The following GTF2H4 variants were observed in gnomAD, a reference collection of about 807,000 sequenced individuals.
The protein encoded by GTF2H4 is general transcription factor IIH subunit 4, also known as BTF2 p52.
A neutral mutation model predicts 62.2 loss-of-function variants in GTF2H4; 49 were observed. The observed-to-expected ratio is 0.79, with a 90% CI of 0.63 to 1.00. The LOEUF (loss-of-function observed/expected upper bound fraction) is 1.00, where lower values mean the gene tolerates loss of function less well. Among genes scored for constraint, GTF2H4 ranks in the 50% least tolerant of loss-of-function variants. The pLI is 0.00. For synonymous variants in GTF2H4, 189 were observed against 233.8 expected, an observed-to-expected ratio of 0.81 and a Z score of 1.75; for missense variants, 479 against 587.8, an observed-to-expected ratio of 0.81 and a Z score of 1.91.
chr6:30,908,661 G>A (rs2074508), intron 1 of GTF2H4, among the ~76,000 whole-genome samples: 39,556 of 152,064 alleles, frequency 0.26, 6,052 homozygotes, highest in East Asian at 0.61. Context: ...TTTGGAGCTT[G>A]TAGACTGGTC....
Position 30,910,084 on chromosome 6 carries a change from C to G in GTF2H4, c.374+21C>G. ...GGTGGGTATGTCACTTCTCTCTCTT[C>G]CTAAGCTAGGGCAGGGGAACTGCTG... On this transcript the variant is annotated intron_variant, in intron 4 of 13. Transcript: ENST00000259895. The surrounding 1 kb of genome is among the most constrained non-coding windows in gnomAD (Gnocchi z 4.7). The G allele has an allele frequency of 1.9e-6, 3 of 1,610,170 alleles. No individual in the cohort carries two copies. Among genetic ancestry groups the G allele is most frequent in the Non-Finnish European group, 2.5e-6 (3 of 1,179,034 alleles).
At position 30,914,043 on chromosome 6, in the gene GTF2H4, A is replaced by G. The variant is rs1012285137; in HGVS notation, c.*60A>G. The G allele has an allele frequency of 2.1e-6, 3 of 1,437,546 alleles. No homozygotes were observed. Among genetic ancestry groups the G allele is most frequent in the African/African-American group, 2.9e-5 (2 of 68,746 alleles). The allele number at this position is 1,437,546 out of a possible 1,614,324, so 89.0% of individuals were successfully genotyped here. ...GGACTGGGCGGGGCGGGGCATCAGAACTCAGGTGTTTTTTATTTACGCGTC... is the reference window on the plus strand; with the variant it reads ...GGACTGGGCGGGGCGGGGCATCAGAGCTCAGGTGTTTTTTATTTACGCGTC... On this transcript the variant is annotated 3_prime_UTR_variant, in exon 14 of 14. Coordinates refer to ENST00000259895, the MANE Select transcript of GTF2H4 (RefSeq NM_001517.5).
In GTF2H4 at chr6:30,912,146, G is replaced by A. The variant is rs564548397; in HGVS notation, c.958G>A (p.Glu320Lys). 3 of 1,612,946 alleles carry A rather than the reference G, an allele frequency of 1.9e-6. No homozygotes were observed. The highest frequency in any genetic ancestry group is 2.5e-6 in the Non-Finnish European group (3 of 1,180,000). ...ETNYRLYAYT[E>K]SELQIALIAL... ...CAATTACCGACTGTATGCCTACACG[G>A]GTGAGGCGGGACAGAGGGCCCCTGG... is the stretch of plus-strand genomic sequence containing the variant. The change falls in exon 10 of 14, where the codon GAG (glutamate) becomes AAG (lysine). Residue 320 changes from glutamate to lysine, a missense_variant and splice_region_variant. Glu to Lys is a moderately conservative substitution (Grantham distance 56). Coordinates refer to ENST00000259895, the MANE Select transcript of GTF2H4 (RefSeq NM_001517.5). This position sits in a 1 kb window ranked among gnomAD's most constrained non-coding sequence, Gnocchi z 4.8.
In GTF2H4 at chr6:30,911,602, T is replaced by C; in HGVS notation, c.742-82T>C. On this transcript the variant is annotated intron_variant, in intron 8 of 13. Coordinates refer to ENST00000259895, the MANE Select transcript of GTF2H4 (RefSeq NM_001517.5). The surrounding 1 kb of genome is among the most constrained non-coding windows in gnomAD (Gnocchi z 4.3). ...AGAATGAAAACAGAACGAACAGAGATGGAGAAAGAAAGAATGAATGTATGG... is the reference window on the plus strand; with the variant it reads ...AGAATGAAAACAGAACGAACAGAGACGGAGAAAGAAAGAATGAATGTATGG... 8.2e-7 allele frequency: 1 copy of C among 1,217,770 alleles called. No homozygotes were observed. The highest frequency in any genetic ancestry group is 1.2e-6 in the Non-Finnish European group (1 of 844,886). The allele number at this position is 1,217,770 out of a possible 1,614,324, so 75.4% of individuals were successfully genotyped here. A position where few individuals can be genotyped will look rare whatever the true frequency, so the allele number is the denominator to read the frequency against.
Position 30,912,293 on chromosome 6 carries a change from G to A in GTF2H4, c.959-35G>A. ...GGCTTGAGGGAGTCTGGGTGTGGGG[G>A]TGGCCTCCTCATCCTCTTTCTATCC... is the stretch of plus-strand genomic sequence containing the variant. On this transcript the variant is annotated intron_variant, in intron 10 of 13. Coordinates refer to ENST00000259895, the MANE Select transcript of GTF2H4 (RefSeq NM_001517.5). The surrounding 1 kb of genome is among the most constrained non-coding windows in gnomAD (Gnocchi z 4.8). 2 of 1,611,308 alleles carry A rather than the reference G, an allele frequency of 1.2e-6. No homozygotes were observed. Among genetic ancestry groups the A allele is most frequent in the Non-Finnish European group, 1.7e-6 (2 of 1,178,996 alleles).
chr6:30,909,059 G>A lies in GTF2H4; in HGVS notation c.23G>A (p.Gly8Glu). ...GTGATGGAGAGCACCCCTTCAAGGG[G>A]ACTGAACCGAGTACACCTACAATGC... is the stretch of plus-strand genomic sequence containing the variant. MESTPSR[G>E]LNRVHLQCRN... Residue 8 changes from glycine to glutamate, a missense_variant, in exon 2 of 14, where the codon GGA (glycine) becomes GAA (glutamate). Transcript: ENST00000259895. The surrounding 1 kb of genome is among the most constrained non-coding windows in gnomAD (Gnocchi z 4.3). 1 of 1,614,180 alleles carries A rather than the reference G, an allele frequency of 6.2e-7. No individual in the cohort carries two copies. The highest frequency in any genetic ancestry group is 1.1e-5 in the South Asian group (1 of 91,086).
chr6:30,910,879 C>T lies in GTF2H4; in HGVS notation c.498C>T (p.Ser166=), dbSNP rs1793734417. Residue 166 remains serine, a synonymous_variant, in exon 6 of 14, where the codon TCC becomes TCT. Transcript: ENST00000259895. The surrounding 1 kb of genome is among the most constrained non-coding windows in gnomAD (Gnocchi z 4.7). Reference sequence around the variant, plus strand: ...TGGTCTTGCACTTCATGGTGGGCTCCCCCAGTGCAGCTGTCAGCCAGGACT... The same window carrying T: ...TGGTCTTGCACTTCATGGTGGGCTCTCCCAGTGCAGCTGTCAGCCAGGACT... ...WEVVLHFMVG[S]PSAAVSQDLA... The T allele has an allele frequency of 6.2e-7, 1 of 1,612,180 alleles. No individual in the cohort carries two copies. The highest frequency in any genetic ancestry group is 1.3e-5 in the African/African-American group (1 of 74,830).
chr6:30,910,677 G>C lies in GTF2H4; in HGVS notation c.387G>C (p.Trp129Cys). 1 of 1,612,910 alleles carries C rather than the reference G, an allele frequency of 6.2e-7. No homozygotes were observed. The highest frequency in any genetic ancestry group is 8.5e-7 in the Non-Finnish European group (1 of 1,179,922). Reference sequence around the variant, plus strand: ...ATCCTGGCCGTAGGGGGAAGGCCTGGTCTGATGACACAAGTCAGCTGGGAC... The same window carrying C: ...ATCCTGGCCGTAGGGGGAAGGCCTGCTCTGATGACACAAGTCAGCTGGGAC... ...RIALLGGGKAWSDDTSQLGPD... is the reference protein window; with the variant it reads ...RIALLGGGKACSDDTSQLGPD... The change falls in exon 5 of 14, where the codon TGG becomes TGC. Residue 129 changes from tryptophan (W) to cysteine (C), a missense_variant. By Grantham distance (215) the Trp-to-Cys change is radical. Coordinates refer to ENST00000259895, the MANE Select transcript of GTF2H4 (RefSeq NM_001517.5). The surrounding 1 kb of genome is among the most constrained non-coding windows in gnomAD (Gnocchi z 4.7).
rs572542283 is a variant in GTF2H4 at position 30,912,606 on chromosome 6, G to T, written c.1089+148G>T. 1 of 1,018,198 alleles carries T rather than the reference G, an allele frequency of 9.8e-7. No homozygotes were observed. Among genetic ancestry groups the T allele is most frequent in the Admixed American group, 2.4e-5 (1 of 41,804 alleles). 63.1% of individuals were successfully genotyped at this position (1,018,198 alleles called of 1,614,324 possible). ...GTTTGAAGAGAAATGAAGGCTTTGGGTGTGAGAATAGGTAGACCCTTGAGG... is the reference window on the plus strand; with the variant it reads ...GTTTGAAGAGAAATGAAGGCTTTGGTTGTGAGAATAGGTAGACCCTTGAGG... On this transcript the variant is annotated intron_variant, in intron 11 of 13. Coordinates refer to ENST00000259895, the MANE Select transcript of GTF2H4 (RefSeq NM_001517.5). The surrounding 1 kb of genome is among the most constrained non-coding windows in gnomAD (Gnocchi z 4.8).
rs1332168615 is a variant in GTF2H4, at chr6:30,912,165, C to T, written c.958+19C>T. The T allele has an allele frequency of 2.5e-6, 4 of 1,611,738 alleles. No homozygotes were observed. The highest frequency in any genetic ancestry group is 2.2e-5 in the South Asian group (2 of 91,024). ...TACACGGGTGAGGCGGGACAGAGGG[C>T]CCCTGGAAGAGGAGGTTGGGGGTGA... On this transcript the variant is annotated intron_variant, in intron 10 of 13. Transcript: ENST00000259895. The surrounding 1 kb of genome is among the most constrained non-coding windows in gnomAD (Gnocchi z 4.8).
chr6:30,909,075 C>A lies in GTF2H4; in HGVS notation c.39C>A (p.His13Gln). Reference protein sequence around the residue: ...STPSRGLNRVHLQCRNLQEFL... With the variant: ...STPSRGLNRVQLQCRNLQEFL... ...CTTCAAGGGGACTGAACCGAGTACA[C>A]CTACAATGCAGGAATCTGCAGGAAT... is the stretch of plus-strand genomic sequence containing the variant. Residue 13 changes from histidine (H) to glutamine (Q), a missense_variant, in exon 2 of 14, where the codon CAC becomes CAA. Coordinates refer to ENST00000259895, the MANE Select transcript of GTF2H4 (RefSeq NM_001517.5). The surrounding 1 kb of genome is among the most constrained non-coding windows in gnomAD (Gnocchi z 4.3). 2 of 1,614,180 alleles carry A rather than the reference C, an allele frequency of 1.2e-6. No individual in the cohort carries two copies. Among genetic ancestry groups the A allele is most frequent in the South Asian group, 1.1e-5 (1 of 91,090 alleles).
chr6:30,913,763 T>G lies in GTF2H4; in HGVS notation c.1217-48T>G, dbSNP rs1425565343. On this transcript the variant is annotated intron_variant, in intron 13 of 13. Coordinates refer to ENST00000259895, the MANE Select transcript of GTF2H4 (RefSeq NM_001517.5). This position sits in a 1 kb window ranked among gnomAD's most constrained non-coding sequence, Gnocchi z 4.2. Reference sequence around the variant, plus strand: ...GGATTCCCAATAGGAGCTCCGAGCTTCACTTTCTCGTCTTCTCCCCGCGCC... The same window carrying G: ...GGATTCCCAATAGGAGCTCCGAGCTGCACTTTCTCGTCTTCTCCCCGCGCC... 7.4e-6 allele frequency: 11 copies of G among 1,480,798 alleles called. No individual in the cohort carries two copies. Among genetic ancestry groups the G allele is most frequent in the Non-Finnish European group, 9.9e-6 (11 of 1,109,176 alleles). 91.7% of individuals were successfully genotyped at this position (1,480,798 alleles called of 1,614,324 possible). A position where few individuals can be genotyped will look rare whatever the true frequency, so the allele number is the denominator to read the frequency against.
Position 30,911,335 on chromosome 6 carries a change from C to T in GTF2H4, c.672+66C>T. ...CTCAGGTCTCACTGAGAGACTCCTG[C>T]CTACAGACTGTTCCCTGATTTTCTC... On this transcript the variant is annotated intron_variant, in intron 7 of 13. Transcript: ENST00000259895. This position sits in a 1 kb window ranked among gnomAD's most constrained non-coding sequence, Gnocchi z 4.3. 4 of 1,515,160 alleles carry T rather than the reference C, an allele frequency of 2.6e-6. No individual in the cohort carries two copies. Among genetic ancestry groups the T allele is most frequent in the Non-Finnish European group, 2.7e-6 (3 of 1,091,840 alleles). The allele number at this position is 1,515,160 out of a possible 1,614,324, so 93.9% of individuals were successfully genotyped here.
At chr6:30,908,572 G>C (rs1345660931) in intron 1 of GTF2H4, among the ~76,000 whole-genome samples, 169 bp downstream of exon 1, 2 of 152,080 alleles carry the variant, frequency 1.3e-5, no homozygotes, top group Non-Finnish European at 2.9e-5. Flanking sequence ...CTTTAGATTT[G>C]GGAAGCATGG....
chr6:30,911,080 G>GA lies in GTF2H4; in HGVS notation c.561-72dup. ...AGTAGAATATAGCCAGAGATACCAA[G>GA]AAAAAACGTGAGTGGACAAGTGGGG... is the stretch of plus-strand genomic sequence containing the variant. On this transcript the variant is annotated intron_variant, in intron 6 of 13. Coordinates refer to ENST00000259895, the MANE Select transcript of GTF2H4 (RefSeq NM_001517.5). This position sits in a 1 kb window ranked among gnomAD's most constrained non-coding sequence, Gnocchi z 4.3. 7.3e-7 allele frequency: 1 copy of GA among 1,378,378 alleles called. No individual in the cohort carries two copies. The highest frequency in any genetic ancestry group is 1.2e-5 in the South Asian group (1 of 85,458). 85.4% of individuals were successfully genotyped at this position (1,378,378 alleles called of 1,614,324 possible).
chr6:30,913,998 G>A lies in GTF2H4; in HGVS notation c.*15G>A, dbSNP rs766739174. ...ATAGCTCCTGAGAGCGCGGGACTTG[G>A]ACACGGACCTCGGCGGGCGGGACTG... On this transcript the variant is annotated 3_prime_UTR_variant, in exon 14 of 14. Transcript: ENST00000259895. The surrounding 1 kb of genome is among the most constrained non-coding windows in gnomAD (Gnocchi z 4.2). 2 of 1,388,866 alleles carry A rather than the reference G, an allele frequency of 1.4e-6. No individual in the cohort carries two copies. Among genetic ancestry groups the A allele is most frequent in the Admixed American group, 1.8e-5 (1 of 55,496 alleles). 86.0% of individuals were successfully genotyped at this position (1,388,866 alleles called of 1,614,324 possible).
In GTF2H4 at chr6:30,912,236, T is replaced by G. The variant is rs569981179; in HGVS notation, c.958+90T>G. 6.2e-7 allele frequency: 1 copy of G among 1,600,470 alleles called. No homozygotes were observed. The highest frequency in any genetic ancestry group is 8.5e-7 in the Non-Finnish European group (1 of 1,172,008). On this transcript the variant is annotated intron_variant, in intron 10 of 13. Transcript: ENST00000259895. This position sits in a 1 kb window ranked among gnomAD's most constrained non-coding sequence, Gnocchi z 4.8. ...GTGTTTACCTGGCAGTCTACAGAGCTCTCTGACATTTCTCATGACACTTGA... is the reference window on the plus strand; with the variant it reads ...GTGTTTACCTGGCAGTCTACAGAGCGCTCTGACATTTCTCATGACACTTGA...
In GTF2H4 at chr6:30,912,444, A is replaced by T. The variant is rs1184980161; in HGVS notation, c.1075A>T (p.Ile359Phe). 6.2e-7 allele frequency: 1 copy of T among 1,612,566 alleles called. No individual in the cohort carries two copies. The highest frequency in any genetic ancestry group is 8.5e-7 in the Non-Finnish European group (1 of 1,180,022). ...ESVQQAIASG[I>F]TAQQIIHFLR... ...TGTGCAGCAGGCAATCGCCAGTGGC[A>T]TCACAGCCCAGCAGGTATTCCCACT... is the stretch of plus-strand genomic sequence containing the variant. The change falls in exon 11 of 14, where the codon ATC becomes TTC. Residue 359 changes from isoleucine (I) to phenylalanine (F), a missense_variant. Coordinates refer to ENST00000259895, the MANE Select transcript of GTF2H4 (RefSeq NM_001517.5). This position sits in a 1 kb window ranked among gnomAD's most constrained non-coding sequence, Gnocchi z 4.8.
chr6:30,912,239 C>T lies in GTF2H4; in HGVS notation c.959-89C>T. On this transcript the variant is annotated intron_variant, in intron 10 of 13. Transcript: ENST00000259895. The surrounding 1 kb of genome is among the most constrained non-coding windows in gnomAD (Gnocchi z 4.8). ...TTTACCTGGCAGTCTACAGAGCTCT[C>T]TGACATTTCTCATGACACTTGAAAG... 1.2e-6 allele frequency: 2 copies of T among 1,601,038 alleles called. No individual in the cohort carries two copies. The highest frequency in any genetic ancestry group is 1.7e-6 in the Non-Finnish European group (2 of 1,172,460).
Sources: allele counts gnomAD v4.1 joint callset (sites outside exome capture counted in the v4.1 genomes callset), GRCh38; gene constraint gnomAD v4.1.1; non-coding constraint Gnocchi (gnomAD v3.1); transcripts MANE v1.5; gene names NCBI Gene and HGNC (gene_info 2026-07-23, HGNC 2026-07-21).